Variants in RIT2 observed in about 807,000 individuals in gnomAD.
The protein encoded by RIT2 is Ras like without CAAX 2, also known as GTP-binding protein Rit2.
Under a neutral mutation model 23.7 loss-of-function variants are expected in RIT2, and 24 were observed. That is an observed-to-expected ratio of 1.01 (90% CI 0.73 to 1.43). The LOEUF (loss-of-function observed/expected upper bound fraction) is 1.43. Ranked by LOEUF, RIT2 falls within the 40% of genes most tolerant of loss-of-function variation. RIT2 has a pLI of 0.00. For missense variants in RIT2, 236 were observed against 266.9 expected (o/e 0.88, Z 0.81); for synonymous variants, 107 against 91.1 (o/e 1.17, Z -0.99).
chr18:42,760,989 A>G (rs1412917651), intron 4 of RIT2, among the ~76,000 whole-genome samples: 1 of 152,204 alleles, frequency 6.6e-6, no homozygotes, highest in African/African-American at 2.4e-5. Context: ...CTTTGGGCAT[A>G]TTTTATTGAA....
chr18:42,811,953 T>C (rs1905860878), intron 4 of RIT2, among the ~76,000 whole-genome samples: 1 of 152,140 alleles, frequency 6.6e-6, no homozygotes, highest in Admixed American at 6.5e-5. Flanking sequence ...TATTGAATCA[T>C]TCTTCATAAA....
At chr18:43,047,056 A>T (rs796143216) in intron 1 of RIT2, among the ~76,000 whole-genome samples, 1 of 152,178 alleles carries the variant, frequency 6.6e-6, no homozygotes, top group African/African-American at 2.4e-5. Flanking sequence ...ATTAATAAGT[A>T]TTTCAAAAGC....
chr18:43,078,552 A>G (rs1268570705), intron 1 of RIT2, among the ~76,000 whole-genome samples: 2 of 152,158 alleles, frequency 1.3e-5, no homozygotes, highest in Non-Finnish European at 2.9e-5. Context: ...TTTAAGCCTC[A>G]TGGATCCTTG....
intron 1 of RIT2, among the ~76,000 whole-genome samples, chr18:43,093,507 G>GT (rs74565401): frequency 0.11 from 16,687 of 151,846 alleles, 1,241 homozygotes; most frequent in East Asian, 0.37. Context: ...TTCCCCCTTT[G>GT]TTTTTTGTAA....
At chr18:43,098,258 G>T (rs536808400) in intron 1 of RIT2, among the ~76,000 whole-genome samples, 1 of 152,034 alleles carries the variant, frequency 6.6e-6, no homozygotes, top group South Asian at 2.1e-4. Context: ...GATTCTAGGT[G>T]ATAATCTTTT....
At chr18:42,923,436 C>T in intron 4 of RIT2, 136 bp downstream of exon 4, 2 of 782,482 alleles carry the variant, frequency 2.6e-6, no homozygotes, top group Non-Finnish European at 4.3e-6. Context: ...CATGGGACCA[C>T]CATGACTTAT....
chr18:42,765,734 A>T (rs1224647690), intron 4 of RIT2, among the ~76,000 whole-genome samples: 1 of 152,224 alleles, frequency 6.6e-6, no homozygotes, highest in Non-Finnish European at 1.5e-5. Context: ...TTATATGGAC[A>T]CATATAATAC....
intron 4 of RIT2, among the ~76,000 whole-genome samples, chr18:42,803,301 A>G (rs1292018508): frequency 6.6e-6 from 1 of 152,220 alleles, no homozygotes; most frequent in Non-Finnish European, 1.5e-5. Flanking sequence ...ACTTAGATCC[A>G]CCTTATTTAA....
intron 4 of RIT2, among the ~76,000 whole-genome samples, chr18:42,746,144 T>C (rs1912911826): frequency 6.6e-6 from 1 of 152,078 alleles, no homozygotes; most frequent in African/African-American, 2.4e-5. Flanking sequence ...TCCCATAATA[T>C]AGAGCAGATG....
At chr18:43,098,565 G>A (rs868071837) in intron 1 of RIT2, among the ~76,000 whole-genome samples, 51 of 151,910 alleles carry the variant, frequency 3.4e-4, no homozygotes, top group Admixed American at 2.6e-4. Flanking sequence ...AGCCTGGGTA[G>A]GACAGAATAG....
chr18:43,076,871 A>T (rs945512354), intron 1 of RIT2, among the ~76,000 whole-genome samples: 1 of 151,984 alleles, frequency 6.6e-6, no homozygotes, highest in Non-Finnish European at 1.5e-5. Context: ...TGGGAGGCCG[A>T]GGCGGGCGGA....
At chr18:42,815,380 G>A (rs1022715985) in intron 4 of RIT2, among the ~76,000 whole-genome samples, 23 of 152,222 alleles carry the variant, frequency 1.5e-4, no homozygotes, top group East Asian at 5.8e-4. Flanking sequence ...TTCACAGCTC[G>A]AAGACAAGGT....
chr18:42,911,173 T>C (rs1277462257), intron 4 of RIT2, among the ~76,000 whole-genome samples: 1 of 151,898 alleles, frequency 6.6e-6, no homozygotes, highest in East Asian at 1.9e-4. Context: ...AAAAATATAC[T>C]CCTAAATAAT....
intron 4 of RIT2, among the ~76,000 whole-genome samples, chr18:42,749,896 C>T (rs1396869033): frequency 2.0e-5 from 3 of 151,466 alleles, no homozygotes; most frequent in South Asian, 2.1e-4. Flanking sequence ...CAAAGACATG[C>T]AAATTGTTTA....
chr18:42,909,624 C>T (rs1305172024), intron 4 of RIT2, among the ~76,000 whole-genome samples: 3 of 151,856 alleles, frequency 2.0e-5, no homozygotes, highest in African/African-American at 4.8e-5. Context: ...AGAACATAAC[C>T]ATGAAACCAA....
intron 4 of RIT2, among the ~76,000 whole-genome samples, chr18:42,855,618 C>T (rs1907160414): frequency 6.6e-6 from 1 of 152,192 alleles, no homozygotes; most frequent in Non-Finnish European, 1.5e-5. Flanking sequence ...GCTGTAGTCT[C>T]ATGGTTTTCC....
chr18:42,812,244 T>C (rs1378284661), intron 4 of RIT2, among the ~76,000 whole-genome samples: 2 of 152,160 alleles, frequency 1.3e-5, no homozygotes, highest in African/African-American at 4.8e-5. Context: ...AAGGCTAGTG[T>C]ACATGTCTCC....
Position 42,755,305 on chromosome 18 carries a change from C to T in RIT2, c.427-11585G>A, listed in dbSNP as rs182296446. Among the ~76,000 whole-genome samples, 13 of 152,278 alleles carry T rather than the reference C, an allele frequency of 8.5e-5. No homozygotes were observed. The East Asian group carries it at 9.7e-4, about 11-fold the overall frequency. On this transcript the variant is annotated intron_variant, in intron 4 of 4. Transcript: ENST00000326695. Reference sequence around the variant, plus strand: ...CCCGATTCATACCACTCTCCCTCATCGATTATATCCTATCATATTCGATAC... The same window carrying T: ...CCCGATTCATACCACTCTCCCTCATTGATTATATCCTATCATATTCGATAC...
chr18:42,999,481 GCCATA>G (rs1911057782), intron 2 of RIT2, among the ~76,000 whole-genome samples: 1 of 152,016 alleles, frequency 6.6e-6, no homozygotes, highest in South Asian at 2.1e-4. Context: ...AATGTGTATG[GCCATA>G]CAGTTGCAGC....
Sources: gnomAD v4.1 joint callset for allele counts (sites outside exome capture counted in the v4.1 genomes callset) on GRCh38, gnomAD v4.1.1 for gene constraint, MANE v1.5 for transcripts, NCBI Gene and HGNC (gene_info 2026-07-23, HGNC 2026-07-21) for gene names.